The following HPSE2 variants were observed in gnomAD, a reference collection of about 807,000 sequenced individuals.
The protein encoded by HPSE2 is inactive heparanase-2.
A neutral mutation model predicts 60.5 loss-of-function variants in HPSE2; 38 were observed. That is an observed-to-expected ratio of 0.63 (90% CI 0.48 to 0.82). The LOEUF is 0.82. HPSE2 is among the 40% of genes least tolerant of loss of function. HPSE2 has a pLI of 0.00. For synonymous variants in HPSE2, 295 were observed against 293.2 expected, an observed-to-expected ratio of 1.01 and a Z score of -0.06; for missense variants, 713 against 740.4, an observed-to-expected ratio of 0.96 and a Z score of 0.43.
chr10:98,955,041 T>C (rs1365517801), intron 3 of HPSE2, among the ~76,000 whole-genome samples: 1 of 150,372 alleles, frequency 6.7e-6, no homozygotes, highest in Non-Finnish European at 1.5e-5. Context: ...TATTTATATA[T>C]ATTACTCTAT....
chr10:98,473,277 G>A (rs1009771170), intron 11 of HPSE2, among the ~76,000 whole-genome samples: 1 of 151,994 alleles, frequency 6.6e-6, no homozygotes, highest in Non-Finnish European at 1.5e-5. Flanking sequence ...CTGAGGTCAG[G>A]AGTTTGAGAC....
intron 3 of HPSE2, among the ~76,000 whole-genome samples, chr10:99,124,612 C>G (rs1409535082): frequency 2.0e-5 from 3 of 152,266 alleles, no homozygotes; most frequent in African/African-American, 2.4e-5. Flanking sequence ...GCCCCAAGCA[C>G]ATGCCAACCC....
chr10:98,733,124 T>A (rs1370195137), intron 4 of HPSE2, among the ~76,000 whole-genome samples: 4 of 152,092 alleles, frequency 2.6e-5, no homozygotes, highest in African/African-American at 4.8e-5. Flanking sequence ...TTTACTATTG[T>A]GTGTGTATGT....
rs1954845661 is a variant in HPSE2, at chr10:98,937,649, CT to C, written c.611-193594del. ...CTGCCTGCCTCTGTAGGCTCCACCT[CT>C]GGGGGCAGGGCACAGACAAACAAAA... On this transcript the variant is annotated intron_variant, in intron 3 of 11. Coordinates refer to ENST00000370552, the MANE Select transcript of HPSE2 (RefSeq NM_021828.5). Among the ~76,000 whole-genome samples, 2 of 142,936 alleles carry C rather than the reference CT, an allele frequency of 1.4e-5. 1 individual carries two copies. The highest frequency in any genetic ancestry group is 3.0e-5 in the Non-Finnish European group (2 of 66,950). 93.8% of individuals were successfully genotyped at this position (142,936 alleles called of 152,430 possible). A position where few individuals can be genotyped will look rare whatever the true frequency, so the allele number is the denominator to read the frequency against.
At chr10:98,469,657 C>T (rs755347387) in intron 11 of HPSE2, among the ~76,000 whole-genome samples, 2 of 152,178 alleles carry the variant, frequency 1.3e-5, no homozygotes, top group Non-Finnish European at 2.9e-5. Flanking sequence ...GCAGTCTGGG[C>T]TTATTATGTG....
At chr10:98,880,849 G>GC (rs1475178248) in intron 3 of HPSE2, among the ~76,000 whole-genome samples, 1 of 151,952 alleles carries the variant, frequency 6.6e-6, no homozygotes, top group Non-Finnish European at 1.5e-5. Flanking sequence ...ATGAATAAAA[G>GC]CCCCCATCTT....
At chr10:98,709,929 T>C (rs1245146050) in intron 5 of HPSE2, among the ~76,000 whole-genome samples, 1 of 152,182 alleles carries the variant, frequency 6.6e-6, no homozygotes, top group African/African-American at 2.4e-5. Flanking sequence ...CACCAGGAAC[T>C]GGATATCTAA....
chr10:98,700,509 A>T (rs1948375529), intron 5 of HPSE2, among the ~76,000 whole-genome samples: 1 of 144,228 alleles, frequency 6.9e-6, no homozygotes, highest in South Asian at 2.6e-4. Flanking sequence ...TGGATTAAAG[A>T]CTTAAACATT....
intron 5 of HPSE2, among the ~76,000 whole-genome samples, chr10:98,704,287 CCTCATGGATAGG>C (rs1948487583): frequency 6.6e-6 from 1 of 152,096 alleles, no homozygotes; most frequent in Non-Finnish European, 1.5e-5. Context: ...AACATTCCAT[CCTCATGGATAGG>C]AAGAATCAAT....
chr10:98,770,952 G>T (rs1376119022), intron 3 of HPSE2, among the ~76,000 whole-genome samples: 2 of 152,144 alleles, frequency 1.3e-5, no homozygotes, highest in Admixed American at 6.6e-5. Context: ...TTCATTAGTG[G>T]TTATCTAAGA....
At chr10:98,672,500 G>A (rs567300367) in intron 6 of HPSE2, among the ~76,000 whole-genome samples, 32 of 152,326 alleles carry the variant, frequency 2.1e-4, no homozygotes, top group African/African-American at 7.7e-4. Flanking sequence ...GATGATGGCG[G>A]TGGTGATGGT....
At chr10:99,245,377 C>A in the HPSE2 span, among the ~76,000 whole-genome samples, 3 of 152,084 alleles carry the variant, frequency 2.0e-5, no homozygotes, top group Non-Finnish European at 4.4e-5. Flanking sequence ...CTATTTGATT[C>A]CTAGGTTTCA....
intron 3 of HPSE2, among the ~76,000 whole-genome samples, chr10:99,143,539 G>A (rs1216443692): frequency 2.0e-5 from 3 of 152,106 alleles, no homozygotes; most frequent in Non-Finnish European, 4.4e-5. Context: ...CAAGAAAATG[G>A]AGGTAACTTG....
chr10:99,009,289 C>T (rs1004995168), intron 3 of HPSE2, among the ~76,000 whole-genome samples: 10 of 144,086 alleles, frequency 6.9e-5, no homozygotes, highest in African/African-American at 2.6e-4. Context: ...CATGCTGGTA[C>T]ATGCCCTGTA....
intron 9 of HPSE2, among the ~76,000 whole-genome samples, chr10:98,513,940 A>G (rs1942505176): frequency 6.6e-6 from 1 of 152,212 alleles, no homozygotes; most frequent in Non-Finnish European, 1.5e-5. Context: ...GAACTCAGAC[A>G]TACTTGTACA....
At chr10:98,863,719 G>A (rs1298380825) in intron 3 of HPSE2, among the ~76,000 whole-genome samples, 1 of 152,120 alleles carries the variant, frequency 6.6e-6, no homozygotes, top group Non-Finnish European at 1.5e-5. Context: ...TCATTTATAA[G>A]TGTGTTTACA....
chr10:98,580,947 C>CTTT (rs558780857), intron 9 of HPSE2, among the ~76,000 whole-genome samples: 76 of 139,506 alleles, frequency 5.4e-4, no homozygotes, highest in African/African-American at 1.9e-3. Flanking sequence ...ATTCATCTTT[C>CTTT]TTTTTTTTTT....
intron 5 of HPSE2, among the ~76,000 whole-genome samples, chr10:98,715,364 C>A (rs10883175): frequency 6.6e-6 from 1 of 151,794 alleles, no homozygotes; most frequent in Non-Finnish European, 1.5e-5. Flanking sequence ...TCCATAAATA[C>A]CATATATTTC....
intron 9 of HPSE2, among the ~76,000 whole-genome samples, chr10:98,551,180 T>C (rs1386688689): frequency 6.6e-6 from 1 of 152,076 alleles, no homozygotes; most frequent in East Asian, 1.9e-4. Flanking sequence ...AGCTTGATCT[T>C]TATTTTGTAT....
Sources: allele counts gnomAD v4.1 joint callset (sites outside exome capture counted in the v4.1 genomes callset), GRCh38; gene constraint gnomAD v4.1.1; transcripts MANE v1.5; gene names NCBI Gene and HGNC (gene_info 2026-07-23, HGNC 2026-07-21).